Variants in INSR observed in about 807,000 individuals in gnomAD.
INSR encodes the protein insulin receptor.
In INSR, 67 loss-of-function variants were observed where a neutral mutation model predicts 142.6. The ratio of observed to expected loss-of-function variants is 0.47; its 90% CI spans 0.39 to 0.58. INSR has a LOEUF of 0.58. Among genes scored for constraint, INSR ranks in the 20% least tolerant of loss-of-function variants. The pLI is 0.00. For missense variants in INSR, 1,248 were observed against 1,833.2 expected (o/e 0.68, Z 5.83); for synonymous variants, 756 against 743.1 (o/e 1.02, Z -0.28).
chr19:7,128,928 T>A lies in INSR; in HGVS notation c.2869A>T (p.Ile957Phe). The A allele has an allele frequency of 6.2e-7, 1 of 1,613,692 alleles. No homozygotes were observed. The highest frequency in any genetic ancestry group is 8.5e-7 in the Non-Finnish European group (1 of 1,179,588). Residue 957 changes from isoleucine to phenylalanine, a missense_variant, in exon 15 of 22, where the codon ATT (isoleucine) becomes TTT (phenylalanine). Ile to Phe is a conservative substitution (Grantham distance 21). Coordinates refer to ENST00000302850, the MANE Select transcript of INSR (RefSeq NM_000208.4). ...YLDVPSNIAK[I>F]IIGPLIFVFL... is the part of the protein sequence containing the mutation. Reference sequence around the variant, plus strand: ...ACAAAGATGAGGGGGCCGATGATAATTTTTGCAATATTTGACGGGACGTCT... The same window carrying A: ...ACAAAGATGAGGGGGCCGATGATAAATTTTGCAATATTTGACGGGACGTCT...
intron 11 of INSR, among the ~76,000 whole-genome samples, chr19:7,146,914 G>A (rs578097144): frequency 1.7e-4 from 26 of 152,128 alleles, no homozygotes; most frequent in Non-Finnish European, 3.8e-4. Flanking sequence ...CTTCTGGTTT[G>A]TGTTTTCCCT....
chr19:7,164,630 C>G (rs1459921448), intron 8 of INSR, among the ~76,000 whole-genome samples: 2 of 130,364 alleles, frequency 1.5e-5, no homozygotes, highest in African/African-American at 6.2e-5. Context: ...CCAGCCTGAC[C>G]AACATGGAGA....
chr19:7,200,152 A>G (rs1050598452), intron 2 of INSR, among the ~76,000 whole-genome samples: 2 of 145,844 alleles, frequency 1.4e-5, no homozygotes, highest in African/African-American at 5.5e-5. Context: ...GCAGAAGCCA[A>G]AGAAAGATGT....
In INSR at chr19:7,152,788, C is replaced by A; in HGVS notation, c.2169G>T (p.Leu723=). ...ACGTCTTCCTAAACGAGGACTCCTC[C>A]AGCTCCTTCAGGATCTGAGAGTCTG... The part of the protein sequence containing the change: ...PKTDSQILKE[L]EESSFRKTFE... The change falls in exon 10 of 22, where the codon CTG becomes CTT. Residue 723 remains leucine, a synonymous_variant. Coordinates refer to ENST00000302850, the MANE Select transcript of INSR (RefSeq NM_000208.4). The A allele has an allele frequency of 6.2e-7, 1 of 1,613,462 alleles. No individual in the cohort carries two copies. Among genetic ancestry groups the A allele is most frequent in the Admixed American group, 1.7e-5 (1 of 60,000 alleles).
chr19:7,158,107 A>AT lies in INSR; in HGVS notation c.2029+4924dup, dbSNP rs1326231140. ...TATTATTATTTGGAGAGGAAGGGAT[A>AT]TTTGTTCAGGCACAGGTATCATTCC... is the stretch of plus-strand genomic sequence containing the variant. On this transcript the variant is annotated intron_variant, in intron 9 of 21. Transcript: ENST00000302850. Among the ~76,000 whole-genome samples the AT allele has an allele frequency of 6.7e-5, 10 of 150,212 alleles. No homozygotes were observed. In the Admixed American group the frequency reaches 6.7e-4, roughly 10 times the overall value.
chr19:7,291,069 C>CA (rs879380703), intron 1 of INSR, among the ~76,000 whole-genome samples: 129 of 130,514 alleles, frequency 9.9e-4, no homozygotes, highest in Admixed American at 1.3e-3. Flanking sequence ...GACTCCGTCT[C>CA]AAAAAAAAAA....
chr19:7,140,526 T>C (rs1039655176), intron 13 of INSR, among the ~76,000 whole-genome samples: 1 of 152,178 alleles, frequency 6.6e-6, no homozygotes, highest in Non-Finnish European at 1.5e-5. Flanking sequence ...ATATCAGTCA[T>C]GCATTTGGAT....
intron 3 of INSR, among the ~76,000 whole-genome samples, chr19:7,181,436 A>G (rs918620264): frequency 6.6e-6 from 1 of 152,208 alleles, no homozygotes; most frequent in Admixed American, 6.5e-5. Flanking sequence ...TCCCCTTCCC[A>G]GTGGATACCC....
rs1975753057 is a variant in INSR at position 7,225,599 on chromosome 19, T to A, written c.653-40962A>T. 2.0e-5 allele frequency among the ~76,000 whole-genome samples: 3 copies of A among 152,178 alleles called. No individual in the cohort carries two copies. Among genetic ancestry groups the A allele is most frequent in the Admixed American group, 2.0e-4 (3 of 15,264 alleles). On this transcript the variant is annotated intron_variant, in intron 2 of 21. Coordinates refer to ENST00000302850, the MANE Select transcript of INSR (RefSeq NM_000208.4). The surrounding 1 kb of genome is among the most constrained non-coding windows in gnomAD (Gnocchi z 4.7). ...ATGACTATCATCATATTCCTCCAGA[T>A]TCCTTGGTCCCCCAAGTCTAGGGAC...
intron 2 of INSR, among the ~76,000 whole-genome samples, chr19:7,202,553 C>A (rs916505241): frequency 1.3e-5 from 2 of 151,946 alleles, no homozygotes; most frequent in Non-Finnish European, 2.9e-5. Context: ...CTAGAAGAGT[C>A]CAATGGCACC....
At chr19:7,178,220 G>A (rs1005379374) in intron 3 of INSR, among the ~76,000 whole-genome samples, 29 of 122,218 alleles carry the variant, frequency 2.4e-4, no homozygotes, top group Admixed American at 1.4e-3. Flanking sequence ...TGTTAGGAGT[G>A]TTAGGAATGT....
At chr19:7,171,911 T>C (rs1168240244) in intron 5 of INSR, among the ~76,000 whole-genome samples, 10 of 137,026 alleles carry the variant, frequency 7.3e-5, no homozygotes, top group African/African-American at 1.6e-4. Flanking sequence ...TTTTTCCTTT[T>C]CTTTTCTTTT....
chr19:7,286,690 A>T (rs1041692673), intron 1 of INSR, among the ~76,000 whole-genome samples: 1 of 151,282 alleles, frequency 6.6e-6, no homozygotes, highest in African/African-American at 2.4e-5. Context: ...GCACCCCACC[A>T]CAAGATTTTG....
chr19:7,289,517 T>C (rs1968435171), intron 1 of INSR, among the ~76,000 whole-genome samples: 1 of 151,046 alleles, frequency 6.6e-6, no homozygotes, highest in South Asian at 2.1e-4. Flanking sequence ...GCGATTCTCC[T>C]GCCTCAGCCT....
chr19:7,244,251 G>A (rs1976457585), intron 2 of INSR, among the ~76,000 whole-genome samples: 1 of 152,136 alleles, frequency 6.6e-6, no homozygotes, highest in Non-Finnish European at 1.5e-5. Flanking sequence ...TGAACAAATT[G>A]GCTGGGCGCA....
chr19:7,132,141 C>G lies in INSR; in HGVS notation c.2842+17G>C. On this transcript the variant is annotated intron_variant, in intron 14 of 21. Coordinates refer to ENST00000302850, the MANE Select transcript of INSR (RefSeq NM_000208.4). ...TAAGCACAGCCCCAGTCAGCTGAGG[C>G]TGCCATGGAGACTTACAATAGTCTG... 1 of 1,614,040 alleles carries G rather than the reference C, an allele frequency of 6.2e-7. No individual in the cohort carries two copies. The highest frequency in any genetic ancestry group is 8.5e-7 in the Non-Finnish European group (1 of 1,179,904).
intron 1 of INSR, among the ~76,000 whole-genome samples, chr19:7,286,757 G>A (rs1391037904): frequency 6.7e-6 from 1 of 150,336 alleles, no homozygotes; most frequent in Non-Finnish European, 1.5e-5. Context: ...TTTTCTTTTT[G>A]CAATGAGAAT....
intron 2 of INSR, among the ~76,000 whole-genome samples, chr19:7,222,760 G>A (rs1483972093): frequency 6.6e-6 from 1 of 152,122 alleles, no homozygotes; most frequent in Non-Finnish European, 1.5e-5. Flanking sequence ...CTGTGTCCTT[G>A]GGGAGGGCCA....
intron 11 of INSR, among the ~76,000 whole-genome samples, chr19:7,143,534 T>C (rs1487446610): frequency 6.6e-6 from 1 of 152,188 alleles, no homozygotes; most frequent in Non-Finnish European, 1.5e-5. Context: ...TCAGTTTAAA[T>C]AGGAAAAAAT....
Sources: gnomAD v4.1 joint callset for allele counts (sites outside exome capture counted in the v4.1 genomes callset) on GRCh38, gnomAD v4.1.1 for gene constraint, Gnocchi (gnomAD v3.1) non-coding constraint, MANE v1.5 for transcripts, NCBI Gene and HGNC (gene_info 2026-07-23, HGNC 2026-07-21) for gene names.